Variants in BFSP1 observed in about 807,000 individuals in gnomAD.
The protein encoded by BFSP1 is filensin.
BFSP1 carries 38 observed loss-of-function variants against 43.9 expected under a neutral mutation model. That is an observed-to-expected ratio of 0.87 (90% CI 0.67 to 1.14). The LOEUF (loss-of-function observed/expected upper bound fraction) is 1.14. Among genes scored for constraint, BFSP1 ranks in the 50% most tolerant of loss-of-function variants. The pLI is 0.00. For missense variants in BFSP1, 850 were observed against 875.1 expected (o/e 0.97, Z 0.36); for synonymous variants, 352 against 354.8 (o/e 0.99, Z 0.09).
intron 2 of BFSP1, among the ~76,000 whole-genome samples, chr20:17,522,268 C>G (rs958839448): frequency 6.6e-6 from 1 of 152,176 alleles, no homozygotes; most frequent in African/African-American, 2.4e-5. Flanking sequence ...GCTCTGAAGT[C>G]ATTTAACCTC....
At chr20:17,543,542 T>A (rs903704378) in intron 1 of BFSP1, among the ~76,000 whole-genome samples, 1 of 152,164 alleles carries the variant, frequency 6.6e-6, no homozygotes, top group Non-Finnish European at 1.5e-5. Context: ...AAAACATTAT[T>A]GAACTTCTTC....
chr20:17,555,579 G>T (rs746242455), intron 1 of BFSP1, among the ~76,000 whole-genome samples: 4 of 151,984 alleles, frequency 2.6e-5, no homozygotes, highest in Non-Finnish European at 5.9e-5. Flanking sequence ...CTTGAACCCG[G>T]GAGGCAGAGG....
intron 1 of BFSP1, among the ~76,000 whole-genome samples, chr20:17,549,462 T>C (rs564636399): frequency 6.6e-6 from 1 of 151,044 alleles, no homozygotes; most frequent in Admixed American, 6.6e-5. Context: ...AGAGAGAGAG[T>C]GGGGAGGTGC....
chr20:17,507,068 T>C lies in BFSP1; in HGVS notation c.735+1821A>G, dbSNP rs1319973218. The C allele has an allele frequency of 6.6e-6, 1 of 152,130 alleles. No homozygotes were observed. The highest frequency in any genetic ancestry group is 2.4e-5 in the African/African-American group (1 of 41,426). The allele number at this position is 152,130 out of a possible 1,614,324, so 9.4% of individuals were successfully genotyped here. A position where few individuals can be genotyped will look rare whatever the true frequency, so the allele number is the denominator to read the frequency against. The stretch of plus-strand genomic sequence containing the variant: ...TGTTCTCAGAAACCAGGTTAATCTG[T>C]TGTGAAATTTCTTATTTTGATATTC... On this transcript the variant is annotated intron_variant, in intron 5 of 7. Coordinates refer to ENST00000377873, the MANE Select transcript of BFSP1 (RefSeq NM_001195.5). The surrounding 1 kb of genome is among the most constrained non-coding windows in gnomAD (Gnocchi z 4.4).
chr20:17,566,892 T>C (rs974408171), intron 1 of BFSP1, among the ~76,000 whole-genome samples: 1 of 152,216 alleles, frequency 6.6e-6, no homozygotes. Context: ...GACCTCGTGA[T>C]CCACCTGCCT....
upstream of BFSP1, among the ~76,000 whole-genome samples, chr20:17,532,783 T>G (rs189177823): frequency 3.5e-3 from 532 of 152,288 alleles, 1 homozygote; most frequent in Non-Finnish European, 5.2e-3. Flanking sequence ...TTTTGTCATA[T>G]CTCCAACTTT....
chr20:17,530,180 C>T (rs186739272), intron 1 of BFSP1, among the ~76,000 whole-genome samples: 213 of 152,192 alleles, frequency 1.4e-3, no homozygotes, highest in South Asian at 4.6e-3. Flanking sequence ...GTCCATGGAC[C>T]GCACTTTGAG....
At chr20:17,515,718 T>C (rs1251193089) in intron 2 of BFSP1, among the ~76,000 whole-genome samples, 2 of 152,216 alleles carry the variant, frequency 1.3e-5, no homozygotes, top group Non-Finnish European at 2.9e-5. Flanking sequence ...TGAGCATTAC[T>C]TGGGTTCATC....
upstream of BFSP1, chr20:17,560,819 AG>A (rs1446371049): frequency 6.6e-6 from 1 of 152,190 alleles, no homozygotes; most frequent in African/African-American, 2.4e-5. Context: ...GGGAAAAATG[AG>A]TCCCAACCAG....
rs1221771324 is a variant in BFSP1, at chr20:17,507,334, G to A, written c.735+1555C>T. On this transcript the variant is annotated intron_variant, in intron 5 of 7. Coordinates refer to ENST00000377873, the MANE Select transcript of BFSP1 (RefSeq NM_001195.5). The surrounding 1 kb of genome is among the most constrained non-coding windows in gnomAD (Gnocchi z 4.4). ...TTCAACATATCCATATGGATATAGAGAGATAAAACAAGGGCTTCACAAAAC... is the reference window on the plus strand; with the variant it reads ...TTCAACATATCCATATGGATATAGAAAGATAAAACAAGGGCTTCACAAAAC... Among the ~76,000 whole-genome samples the A allele has an allele frequency of 6.6e-6, 1 of 151,830 alleles. No homozygotes were observed. The highest frequency in any genetic ancestry group is 1.5e-5 in the Non-Finnish European group (1 of 67,996).
Position 17,537,339 on chromosome 20 carries a change from C to T in BFSP1, c.3-12431G>A, listed in dbSNP as rs572114611. Among the ~76,000 whole-genome samples the T allele has an allele frequency of 1.6e-4, 24 of 152,200 alleles. No homozygotes were observed. In the East Asian group the frequency reaches 3.1e-3, roughly 20 times the overall value. ...TCCATGAGGCCCCAGTCTCTAAAGA[C>T]GCACCCGTGAAGTATGCTCAGTGCT... On this transcript the variant is annotated intron_variant, in intron 1 of 7. Coordinates refer to the BFSP1 transcript ENST00000377868.
rs117201932 is a variant in BFSP1 at position 17,525,155 on chromosome 20, C to T, written c.378-247G>A. Among the ~76,000 whole-genome samples, 145 of 152,178 alleles carry T rather than the reference C, an allele frequency of 9.5e-4. 4 individuals are homozygous for T. In the East Asian group the frequency reaches 0.014, roughly 15 times the overall value. ...TTAGCGGAATAGGAGTCTCCCAGCC[C>T]GAAGGCACCAACCCCAGCCCCTACA... is the stretch of plus-strand genomic sequence containing the variant. On this transcript the variant is annotated intron_variant, in intron 1 of 7. Coordinates refer to ENST00000377873, the MANE Select transcript of BFSP1 (RefSeq NM_001195.5). This position sits in a 1 kb window ranked among gnomAD's most constrained non-coding sequence, Gnocchi z 4.2.
intron 2 of BFSP1, chr20:17,516,838 C>T (rs1433250510): frequency 4.8e-6 from 3 of 623,746 alleles, no homozygotes; most frequent in Middle Eastern, 4.4e-4. Context: ...GGAGCTGCCA[C>T]CAAAATGCAG....
chr20:17,508,556 G>A (rs1049951737), intron 5 of BFSP1, among the ~76,000 whole-genome samples: 4 of 152,166 alleles, frequency 2.6e-5, no homozygotes, highest in Admixed American at 6.5e-5. Flanking sequence ...TGGGCAAAAT[G>A]AATGCATGAT....
intron 1 of BFSP1, among the ~76,000 whole-genome samples, chr20:17,567,582 G>A (rs958595795): frequency 9.2e-5 from 14 of 152,224 alleles, no homozygotes; most frequent in African/African-American, 2.6e-4. Context: ...AGAGGTGGCC[G>A]GGCGCTCGGT....
chr20:17,509,736 A>G (rs1329842863), intron 4 of BFSP1, among the ~76,000 whole-genome samples: 3 of 152,228 alleles, frequency 2.0e-5, no homozygotes, highest in African/African-American at 7.2e-5. Flanking sequence ...AGCAGGAGCC[A>G]TCAGCCCCAG....
chr20:17,533,010 A>C (rs1032515561), upstream of BFSP1, among the ~76,000 whole-genome samples: 1 of 152,100 alleles, frequency 6.6e-6, no homozygotes, highest in Non-Finnish European at 1.5e-5. Flanking sequence ...GCAAGGCCCT[A>C]AACTGTGCTG....
In BFSP1 at chr20:17,494,546, TGGCC is replaced by T. The variant is rs2033579525; in HGVS notation, c.1522_1525del (p.Gly508ArgfsTer13). The T allele has an allele frequency of 6.2e-7, 1 of 1,614,222 alleles. No individual in the cohort carries two copies. The highest frequency in any genetic ancestry group is 8.5e-7 in the Non-Finnish European group (1 of 1,180,040). On this transcript the variant is annotated frameshift_variant, in exon 8 of 8. Coordinates refer to ENST00000377873, the MANE Select transcript of BFSP1 (RefSeq NM_001195.5). LOFTEE classifies it low-confidence loss of function (END_TRUNC). Reference sequence around the variant, plus strand: ...GGGTGACTCAGGAGAGGGCTCCACCTGGCCGTCATAAAGCACAGAGTCTTCCGCA... The same window carrying T: ...GGGTGACTCAGGAGAGGGCTCCACCTGTCATAAAGCACAGAGTCTTCCGCA...
intron 6 of BFSP1, among the ~76,000 whole-genome samples, chr20:17,497,455 T>TACACACAC (rs750013080): frequency 1.9e-4 from 7 of 36,984 alleles, no homozygotes; most frequent in African/African-American, 5.8e-4. Context: ...TATGTATATA[T>TACACACAC]ATATACACAC....
Sources: allele counts gnomAD v4.1 joint callset (sites outside exome capture counted in the v4.1 genomes callset), GRCh38; gene constraint gnomAD v4.1.1; non-coding constraint Gnocchi (gnomAD v3.1); transcripts MANE v1.5; gene names NCBI Gene and HGNC (gene_info 2026-07-23, HGNC 2026-07-21).